Variants in CRIM1 observed in about 807,000 individuals in gnomAD.
The protein encoded by CRIM1 is cysteine rich transmembrane BMP regulator 1.
In CRIM1, 32 loss-of-function variants were observed where a neutral mutation model predicts 116.4. The ratio of observed to expected loss-of-function variants is 0.27; its 90% CI spans 0.21 to 0.37. The LOEUF is 0.37. Among genes scored for constraint, CRIM1 ranks in the 10% least tolerant of loss-of-function variants. The pLI is 1.00. For synonymous variants in CRIM1, 590 were observed against 509.2 expected (o/e 1.16, Z -2.13); for missense variants, 1,331 against 1,354.8 (o/e 0.98, Z 0.28).
intron 1 of CRIM1, among the ~76,000 whole-genome samples, chr2:36,363,931 T>G (rs1321459043): frequency 2.0e-5 from 3 of 152,196 alleles, no homozygotes; most frequent in Non-Finnish European, 4.4e-5. Context: ...CCATTCCTCT[T>G]GTTCTTTTTC....
chr2:36,530,480 G>A (rs1474331988), intron 13 of CRIM1, among the ~76,000 whole-genome samples: 5 of 152,178 alleles, frequency 3.3e-5, no homozygotes, highest in Admixed American at 6.5e-5. Flanking sequence ...GCATGTGACC[G>A]ACAATACAGA....
At chr2:36,501,422 T>A (rs1372943167) in intron 8 of CRIM1, among the ~76,000 whole-genome samples, 1 of 152,140 alleles carries the variant, frequency 6.6e-6, no homozygotes, top group Admixed American at 6.5e-5. Context: ...AAACTGAGTT[T>A]ATAAAACGCC....
intron 4 of CRIM1, among the ~76,000 whole-genome samples, chr2:36,463,474 C>CT (rs1224837498): frequency 3.3e-5 from 5 of 152,090 alleles, no homozygotes; most frequent in Non-Finnish European, 7.4e-5. Context: ...GCCAGGATGT[C>CT]TTTTTTTAGG....
intron 7 of CRIM1, among the ~76,000 whole-genome samples, chr2:36,492,286 G>A (rs1010387878): frequency 6.6e-6 from 1 of 152,122 alleles, no homozygotes; most frequent in Non-Finnish European, 1.5e-5. Flanking sequence ...GAAATTACAA[G>A]GATGTAGGTG....
chr2:36,492,199 A>G (rs745692360), intron 7 of CRIM1, among the ~76,000 whole-genome samples: 33 of 152,346 alleles, frequency 2.2e-4, no homozygotes, highest in South Asian at 1.2e-3. Flanking sequence ...TCCGATCACA[A>G]AATAATACAA....
intron 12 of CRIM1, among the ~76,000 whole-genome samples, chr2:36,520,573 C>T (rs959476159): frequency 5.3e-5 from 8 of 152,318 alleles, no homozygotes; most frequent in Middle Eastern, 3.4e-3. Flanking sequence ...CCTAGAGTAC[C>T]ATGGAGCCGT....
intron 13 of CRIM1, chr2:36,529,393 T>G: frequency 4.5e-6 from 1 of 224,518 alleles, no homozygotes; most frequent in Non-Finnish European, 9.4e-6. Context: ...TTTACATGGA[T>G]TGCTTCTTTT....
At chr2:36,524,351 C>T (rs947869516) in intron 13 of CRIM1, among the ~76,000 whole-genome samples, 2 of 152,168 alleles carry the variant, frequency 1.3e-5, no homozygotes, top group African/African-American at 4.8e-5. Context: ...TTGGTGAGAT[C>T]TAAATGAAAG....
At chr2:36,434,907 A>C (rs1675178904) in intron 2 of CRIM1, among the ~76,000 whole-genome samples, 5 of 151,968 alleles carry the variant, frequency 3.3e-5, no homozygotes, top group African/African-American at 1.2e-4. Flanking sequence ...CCCTTCTTTC[A>C]TGCAAGCCTG....
chr2:36,542,354 T>A (rs3770818), intron 14 of CRIM1, among the ~76,000 whole-genome samples: 1 of 152,094 alleles, frequency 6.6e-6, no homozygotes, highest in African/African-American at 2.4e-5. Flanking sequence ...CATAGACAGA[T>A]CCTTCTAACT....
chr2:36,423,359 A>G (rs753380592), intron 2 of CRIM1, among the ~76,000 whole-genome samples: 1 of 152,220 alleles, frequency 6.6e-6, no homozygotes, highest in South Asian at 2.1e-4. Context: ...AGACCTGTGA[A>G]TAGTCCATAA....
rs1188697517 is a variant in CRIM1 at position 36,356,939 on chromosome 2, C to G, written c.331+316C>G. On this transcript the variant is annotated intron_variant, in intron 1 of 16. Coordinates refer to ENST00000280527, the MANE Select transcript of CRIM1 (RefSeq NM_016441.3). The surrounding 1 kb of genome is among the most constrained non-coding windows in gnomAD (Gnocchi z 4.3). ...GACTGGGTGGCCCGGCCTTGCTCCC[C>G]GAGGTGGGGGCGCCGCGGGCGGGGG... Among the ~76,000 whole-genome samples, 1 of 151,976 alleles carries G rather than the reference C, an allele frequency of 6.6e-6. No individual in the cohort carries two copies. The highest frequency in any genetic ancestry group is 6.5e-5 in the Admixed American group (1 of 15,274).
intron 2 of CRIM1, among the ~76,000 whole-genome samples, chr2:36,439,969 C>A (rs1456544619): frequency 6.6e-6 from 1 of 152,110 alleles, no homozygotes; most frequent in Non-Finnish European, 1.5e-5. Flanking sequence ...AGTGAATTTA[C>A]TAGAACTATA....
chr2:36,448,419 T>C (rs1676416884), intron 4 of CRIM1, among the ~76,000 whole-genome samples: 1 of 152,250 alleles, frequency 6.6e-6, no homozygotes, highest in Non-Finnish European at 1.5e-5. Context: ...CACAGTGTTT[T>C]CTCTGCACTT....
At chr2:36,494,233 T>C (rs1351712962) in intron 7 of CRIM1, among the ~76,000 whole-genome samples, 2 of 152,204 alleles carry the variant, frequency 1.3e-5, no homozygotes, top group Admixed American at 1.3e-4. Flanking sequence ...CGCCATTGAG[T>C]AGATAAAATT....
chr2:36,492,271 C>T (rs927915797), intron 7 of CRIM1, among the ~76,000 whole-genome samples: 1 of 152,088 alleles, frequency 6.6e-6, no homozygotes, highest in Non-Finnish European at 1.5e-5. Context: ...GAGATAAGTA[C>T]TTCAGAAATT....
At chr2:36,383,940 G>A (rs1264409527) in intron 1 of CRIM1, among the ~76,000 whole-genome samples, 1 of 152,214 alleles carries the variant, frequency 6.6e-6, no homozygotes, top group Non-Finnish European at 1.5e-5. Context: ...TGTTCCAGGT[G>A]CAGAAGATAC....
chr2:36,450,358 G>T (rs1053463486), intron 4 of CRIM1, among the ~76,000 whole-genome samples: 1 of 152,058 alleles, frequency 6.6e-6, no homozygotes, highest in East Asian at 1.9e-4. Flanking sequence ...AGGTCGGATT[G>T]TGTGTGTGTC....
intron 13 of CRIM1, among the ~76,000 whole-genome samples, chr2:36,532,449 C>T (rs1390735246): frequency 1.3e-5 from 2 of 152,146 alleles, no homozygotes; most frequent in African/African-American, 2.4e-5. Flanking sequence ...ACCAGGAATC[C>T]TAAATTACCT....
Sources: allele counts gnomAD v4.1 joint callset (sites outside exome capture counted in the v4.1 genomes callset), GRCh38; gene constraint gnomAD v4.1.1; non-coding constraint Gnocchi (gnomAD v3.1); transcripts MANE v1.5; gene names NCBI Gene and HGNC (gene_info 2026-07-23, HGNC 2026-07-21).